Variants in SH2D3C observed in about 807,000 individuals in gnomAD.
The protein encoded by SH2D3C is SH2 domain-containing protein 3C.
In SH2D3C, 25 loss-of-function variants were observed where a neutral mutation model predicts 75.2. That is an observed-to-expected ratio of 0.33 (90% CI 0.24 to 0.46). SH2D3C has a LOEUF of 0.46. Ranked by LOEUF, SH2D3C falls within the 20% of genes least tolerant of loss-of-function variation. The probability of loss-of-function intolerance (pLI) is 1.00; values close to 1 mark genes in which losing one functional copy is unlikely to be tolerated. For missense variants in SH2D3C, 933 were observed against 1,165.3 expected (o/e 0.80, Z 2.90); for synonymous variants, 450 against 473.7 (o/e 0.95, Z 0.65).
chr9:127,772,824 T>C (rs1845758133), intron 2 of SH2D3C, among the ~76,000 whole-genome samples: 1 of 152,000 alleles, frequency 6.6e-6, no homozygotes, highest in Non-Finnish European at 1.5e-5. Flanking sequence ...TAAGTGGGGC[T>C]AATAATTGAA....
intron 9 of SH2D3C, 66 bp from the exon 10 acceptor site, chr9:127,740,435 G>T: frequency 8.9e-7 from 1 of 1,118,484 alleles, no homozygotes; most frequent in Non-Finnish European, 1.4e-6. Flanking sequence ...CTGCTGCCCT[G>T]CTGAGTGGAC....
intron 3 of SH2D3C, chr9:127,755,236 GCT>G: frequency 8.5e-7 from 1 of 1,170,118 alleles, no homozygotes; most frequent in Non-Finnish European, 1.1e-6. Context: ...GGACCAACCG[GCT>G]AGGCACCGGC....
rs777890166 is a variant in SH2D3C, at chr9:127,774,323, G to A, written c.182C>T (p.Pro61Leu). The A allele has an allele frequency of 6.2e-7, 1 of 1,613,942 alleles. No homozygotes were observed. Among genetic ancestry groups the A allele is most frequent in the Non-Finnish European group, 8.5e-7 (1 of 1,179,974 alleles). ...GCGGGCATAGGCTGGGGGACTCTTG[G>A]GCACCGTCACCATGTCATCCTGCGT... ...EATQDDMVTV[P>L]KSPPAYARSS... Residue 61 changes from proline to leucine, a missense_variant, in exon 2 of 12, where the codon CCC becomes CTC. Coordinates refer to ENST00000314830, the MANE Select transcript of SH2D3C (RefSeq NM_170600.3). This position sits in a 1 kb window ranked among gnomAD's most constrained non-coding sequence, Gnocchi z 4.3.
chr9:127,750,614 C>T (rs1373154276), intron 4 of SH2D3C, among the ~76,000 whole-genome samples: 2 of 152,254 alleles, frequency 1.3e-5, no homozygotes, highest in African/African-American at 4.8e-5. Flanking sequence ...GGCCATTAGC[C>T]ATCAAGAGAA....
intron 2 of SH2D3C, among the ~76,000 whole-genome samples, chr9:127,765,151 G>T (rs917188518): frequency 1.4e-4 from 22 of 152,046 alleles, no homozygotes; most frequent in African/African-American, 5.1e-4. Context: ...TGGGATTACA[G>T]GTGTGAGCGA....
At chr9:127,771,249 C>A in intron 2 of SH2D3C, 1 of 1,543,232 alleles carries the variant, frequency 6.5e-7, no homozygotes, top group Non-Finnish European at 8.7e-7. Flanking sequence ...GCTGTCGCCG[C>A]CGGCAACCCG....
chr9:127,755,156 T>C, intron 3 of SH2D3C: 1 of 1,217,430 alleles, frequency 8.2e-7, no homozygotes, highest in Non-Finnish European at 1.0e-6. Context: ...CACCGCTCGG[T>C]CATGGTGGGG....
chr9:127,765,419 A>G (rs1338367292), intron 2 of SH2D3C, among the ~76,000 whole-genome samples: 1 of 152,212 alleles, frequency 6.6e-6, no homozygotes, highest in African/African-American at 2.4e-5. Flanking sequence ...TCAGGAACTT[A>G]GTAAATATAT....
chr9:127,744,684 T>C lies in SH2D3C; in HGVS notation c.1680A>G (p.Ser560=). 1 of 1,614,176 alleles carries C rather than the reference T, an allele frequency of 6.2e-7. No individual in the cohort carries two copies. The highest frequency in any genetic ancestry group is 1.1e-5 in the South Asian group (1 of 91,086). The part of the protein sequence containing the change: ...TSSFNPATFQ[S]LLIPRDNRPL... ...GCCGGTTATCCCTGGGGATCAGTAGTGACTGGAAGGTGGCCGGGTTGAAGG... is the reference window on the plus strand; with the variant it reads ...GCCGGTTATCCCTGGGGATCAGTAGCGACTGGAAGGTGGCCGGGTTGAAGG... Residue 560 remains serine (S), a synonymous_variant, in exon 7 of 12, where the codon TCA becomes TCG. Transcript: ENST00000314830.
At chr9:127,753,378 AG>A (rs1845258290) in intron 3 of SH2D3C, among the ~76,000 whole-genome samples, 1 of 152,100 alleles carries the variant, frequency 6.6e-6, no homozygotes, top group Admixed American at 6.5e-5. Context: ...TGAGTGGGCA[AG>A]GCTGGGGCAG....
At chr9:127,766,564 T>C (rs1025224029) in intron 2 of SH2D3C, among the ~76,000 whole-genome samples, 20 of 151,796 alleles carry the variant, frequency 1.3e-4, no homozygotes, top group Admixed American at 1.2e-3. Context: ...CCTGTTTTTG[T>C]TTGTTTGTTT....
At position 127,774,463 on chromosome 9, in the gene SH2D3C, G is replaced by A; in HGVS notation, c.42C>T (p.Phe14=). Reference sequence around the variant, plus strand: ...GACTCCCAAAGCCCTTGAACTTGAAGAACTCTAGCAGAGGGGAAGGGAAGG... The same window carrying A: ...GACTCCCAAAGCCCTTGAACTTGAAAAACTCTAGCAGAGGGGAAGGGAAGG... The part of the protein sequence containing the change: ...GTKKTSKKFK[F]FKFKGFGSLS... The change falls in exon 2 of 12, where the codon TTC becomes TTT. Residue 14 remains phenylalanine (F), a synonymous_variant. Coordinates refer to ENST00000314830, the MANE Select transcript of SH2D3C (RefSeq NM_170600.3). The surrounding 1 kb of genome is among the most constrained non-coding windows in gnomAD (Gnocchi z 4.3). 1 of 1,475,154 alleles carries A rather than the reference G, an allele frequency of 6.8e-7. No homozygotes were observed. Among genetic ancestry groups the A allele is most frequent in the East Asian group, 2.3e-5 (1 of 43,810 alleles). 91.4% of individuals were successfully genotyped at this position (1,475,154 alleles called of 1,614,324 possible). A position where few individuals can be genotyped will look rare whatever the true frequency, so the allele number is the denominator to read the frequency against.
At chr9:127,778,254 C>T (rs1829069203) in intron 1 of SH2D3C, among the ~76,000 whole-genome samples, 1 of 148,916 alleles carries the variant, frequency 6.7e-6, no homozygotes, top group Admixed American at 6.7e-5. Flanking sequence ...TCCCAAAGTG[C>T]TGGGATTACA....
chr9:127,764,630 C>T (rs1032565871), intron 2 of SH2D3C, among the ~76,000 whole-genome samples: 3 of 152,326 alleles, frequency 2.0e-5, no homozygotes, highest in Admixed American at 2.0e-4. Context: ...GGTCTTTGCA[C>T]TTTCTATTCC....
intron 8 of SH2D3C, 100 bp from the exon 9 acceptor site, chr9:127,742,059 C>A (rs984780306): frequency 6.8e-6 from 8 of 1,173,874 alleles, no homozygotes; most frequent in Non-Finnish European, 9.4e-6. Flanking sequence ...AGGCGGAGGG[C>A]GGAGCCAACG....
At chr9:127,747,342 C>T (rs1031521015) in intron 5 of SH2D3C, 71 bp from the exon 6 acceptor site, 2 of 1,411,394 alleles carry the variant, frequency 1.4e-6, no homozygotes, top group African/African-American at 1.4e-5. Context: ...TGGGACCCCC[C>T]ACCTCTGCAC....
rs529690372 is a variant in SH2D3C, at chr9:127,774,917, C to T, written c.38-450G>A. Among the ~76,000 whole-genome samples the T allele has an allele frequency of 5.9e-4, 89 of 152,090 alleles. No individual in the cohort carries two copies. The highest frequency in any genetic ancestry group is 2.0e-3 in the African/African-American group (85 of 41,478). On this transcript the variant is annotated intron_variant, in intron 1 of 11. Transcript: ENST00000314830. The surrounding 1 kb of genome is among the most constrained non-coding windows in gnomAD (Gnocchi z 4.3). ...CCAGCCTGGACAACATGATGAAACC[C>T]CTTCTCTACTAACAATACAAACATT...
At chr9:127,758,956 A>C (rs901617400) in intron 3 of SH2D3C, among the ~76,000 whole-genome samples, 1 of 152,238 alleles carries the variant, frequency 6.6e-6, no homozygotes, top group African/African-American at 2.4e-5. Context: ...ATAGCATCTC[A>C]GGGTGATGAA....
chr9:127,759,584 C>T (rs1378984941), intron 3 of SH2D3C, among the ~76,000 whole-genome samples: 2 of 152,294 alleles, frequency 1.3e-5, no homozygotes, highest in East Asian at 1.9e-4. Flanking sequence ...CATGGTCACT[C>T]GTGCTTGTAT....
Sources: gnomAD v4.1 joint callset for allele counts (sites outside exome capture counted in the v4.1 genomes callset) on GRCh38, gnomAD v4.1.1 for gene constraint, Gnocchi (gnomAD v3.1) non-coding constraint, MANE v1.5 for transcripts, NCBI Gene and HGNC (gene_info 2026-07-23, HGNC 2026-07-21) for gene names.